The following TASP1 variants were observed in gnomAD, a reference collection of about 807,000 sequenced individuals.
The protein encoded by TASP1 is taspase 1.
Under a neutral mutation model 56.6 loss-of-function variants are expected in TASP1, and 16 were observed. The ratio of observed to expected loss-of-function variants is 0.28; its 90% CI spans 0.19 to 0.43. TASP1 has a LOEUF of 0.43. Among genes scored for constraint, TASP1 ranks in the 20% least tolerant of loss-of-function variants. TASP1 has a pLI of 1.00. For missense variants in TASP1, 393 were observed against 511.6 expected (o/e 0.77, Z 2.24); for synonymous variants, 179 against 184.2 (o/e 0.97, Z 0.23).
chr20:13,273,607 C>A, the TASP1 span, among the ~76,000 whole-genome samples: 1 of 152,154 alleles, frequency 6.6e-6, no homozygotes, highest in Non-Finnish European at 1.5e-5. Context: ...GTTGGGACTC[C>A]CAGAGCTGGG....
chr20:13,618,387 T>C (rs1037986420), intron 4 of TASP1, among the ~76,000 whole-genome samples: 2 of 152,084 alleles, frequency 1.3e-5, no homozygotes, highest in Non-Finnish European at 2.9e-5. Flanking sequence ...CACTCCAGCC[T>C]AGGCGACAGA....
the TASP1 span, among the ~76,000 whole-genome samples, chr20:13,346,706 C>A: frequency 5.3e-5 from 8 of 152,202 alleles, no homozygotes; most frequent in Non-Finnish European, 1.5e-5. Context: ...CAGACCTCAG[C>A]AGTCATCAGG....
the TASP1 span, among the ~76,000 whole-genome samples, chr20:13,371,339 G>C: frequency 6.6e-6 from 1 of 151,950 alleles, no homozygotes; most frequent in African/African-American, 2.4e-5. Flanking sequence ...CATCCCCTAA[G>C]TTTTGGTATG....
intron 8 of TASP1, among the ~76,000 whole-genome samples, chr20:13,557,581 T>TTTG (rs1940763056): frequency 7.2e-6 from 1 of 139,646 alleles, no homozygotes; most frequent in African/African-American, 2.8e-5. Flanking sequence ...GGTTTTTTTT[T>TTTG]TTTTTTTTTT....
chr20:13,603,663 A>C (rs1308357740), intron 4 of TASP1, among the ~76,000 whole-genome samples: 1 of 152,260 alleles, frequency 6.6e-6, no homozygotes, highest in Non-Finnish European at 1.5e-5. Flanking sequence ...AAATCCATAC[A>C]TAACGCAGTA....
the TASP1 span, among the ~76,000 whole-genome samples, chr20:13,276,336 C>T: frequency 6.6e-6 from 1 of 152,140 alleles, no homozygotes; most frequent in African/African-American, 2.4e-5. Flanking sequence ...GTGTGGGTTT[C>T]CCTATGGGAA....
chr20:13,470,348 C>T (rs936307864), intron 11 of TASP1, among the ~76,000 whole-genome samples: 7 of 152,144 alleles, frequency 4.6e-5, no homozygotes, highest in Admixed American at 3.3e-4. Flanking sequence ...TCAATTCTAC[C>T]ATGAGCTTCC....
the TASP1 span, among the ~76,000 whole-genome samples, chr20:13,135,572 C>A: frequency 6.6e-6 from 1 of 152,192 alleles, no homozygotes; most frequent in Admixed American, 6.5e-5. Flanking sequence ...TCTTACCAAG[C>A]ACTTACTTTG....
the TASP1 span, among the ~76,000 whole-genome samples, chr20:13,382,165 GGA>G: frequency 6.6e-6 from 1 of 152,160 alleles, no homozygotes; most frequent in Non-Finnish European, 1.5e-5. Context: ...TGGGGGGCAG[GGA>G]GTGGGTCATG....
chr20:13,164,891 T>C, the TASP1 span: 1 of 1,590,476 alleles, frequency 6.3e-7, no homozygotes, highest in African/African-American at 1.3e-5. Context: ...GAATGACACA[T>C]AAAGACTTTG....
At chr20:13,310,429 A>C in the TASP1 span, among the ~76,000 whole-genome samples, 4 of 152,206 alleles carry the variant, frequency 2.6e-5, no homozygotes, top group Admixed American at 2.6e-4. Flanking sequence ...TCAACTCAAA[A>C]TGGATTAAAG....
chr20:13,622,978 C>T (rs573413882), intron 4 of TASP1, among the ~76,000 whole-genome samples: 2 of 152,076 alleles, frequency 1.3e-5, no homozygotes, highest in Non-Finnish European at 2.9e-5. Flanking sequence ...AAACTGGGGA[C>T]AAACCTAACC....
At chr20:13,118,308 T>C in the TASP1 span, among the ~76,000 whole-genome samples, 1 of 152,112 alleles carries the variant, frequency 6.6e-6, no homozygotes, top group Non-Finnish European at 1.5e-5. Context: ...CTTTCCATAA[T>C]GTTGCATACA....
At chr20:13,159,859 A>G in the TASP1 span, 1 of 1,153,594 alleles carries the variant, frequency 8.7e-7, no homozygotes, top group Middle Eastern at 3.1e-4. Flanking sequence ...AAGTTTAAAA[A>G]CTTCAATCAT....
At chr20:13,368,033 T>C in the TASP1 span, among the ~76,000 whole-genome samples, 1 of 152,200 alleles carries the variant, frequency 6.6e-6, no homozygotes, top group South Asian at 2.1e-4. Context: ...GCCATAAATA[T>C]CTTTAATATT....
At chr20:13,236,180 C>T in the TASP1 span, among the ~76,000 whole-genome samples, 1 of 152,188 alleles carries the variant, frequency 6.6e-6, no homozygotes, top group East Asian at 1.9e-4. Context: ...ACCTCGGCCT[C>T]CCAAAGTGCT....
At chr20:13,512,376 A>C (rs904030129) in intron 10 of TASP1, among the ~76,000 whole-genome samples, 9 of 152,000 alleles carry the variant, frequency 5.9e-5, no homozygotes, top group African/African-American at 2.2e-4. Flanking sequence ...GCATTTTTTC[A>C]TGTGTCTGTT....
At chr20:13,501,708 A>C (rs944288048) in intron 10 of TASP1, among the ~76,000 whole-genome samples, 1 of 152,036 alleles carries the variant, frequency 6.6e-6, no homozygotes, top group East Asian at 1.9e-4. Context: ...TCCATGTAAA[A>C]GGCACGGGTT....
At chr20:13,602,112 C>G (rs934767801) in intron 4 of TASP1, among the ~76,000 whole-genome samples, 4 of 151,956 alleles carry the variant, frequency 2.6e-5, no homozygotes, top group Admixed American at 2.0e-4. Context: ...ATCTCCTGAC[C>G]TCGTGATCTG....
Sources: gnomAD v4.1 joint callset for allele counts (sites outside exome capture counted in the v4.1 genomes callset) on GRCh38, gnomAD v4.1.1 for gene constraint, MANE v1.5 for transcripts, NCBI Gene and HGNC (gene_info 2026-07-23, HGNC 2026-07-21) for gene names.